The following TMCO6 variants were observed in gnomAD, a reference collection of about 807,000 sequenced individuals.
The protein encoded by TMCO6 is transmembrane and coiled-coil domain-containing protein 6.
Under a neutral mutation model 61.8 loss-of-function variants are expected in TMCO6, and 47 were observed. The ratio of observed to expected loss-of-function variants is 0.76; its 90% CI spans 0.60 to 0.97. The LOEUF is 0.97. TMCO6 is among the 50% of genes least tolerant of loss of function. TMCO6 has a pLI of 0.00. For synonymous variants in TMCO6, 261 were observed against 254.2 expected (o/e 1.03, Z -0.25); for missense variants, 557 against 601.6 (o/e 0.93, Z 0.78).
the TMCO6 span, among the ~76,000 whole-genome samples, chr5:140,626,085 G>A: frequency 6.6e-6 from 1 of 152,014 alleles, no homozygotes; most frequent in Non-Finnish European, 1.5e-5. Context: ...GCTATTCATG[G>A]CTACGGTTTC....
chr5:140,619,535 A>G, the TMCO6 span, among the ~76,000 whole-genome samples: 14 of 152,202 alleles, frequency 9.2e-5, no homozygotes, highest in East Asian at 2.7e-3. Context: ...CTAAAAGCAG[A>G]CTTGGGGGGT....
chr5:140,643,289 C>G (rs965390692), intron 7 of TMCO6: 2 of 598,788 alleles, frequency 3.3e-6, no homozygotes, highest in South Asian at 2.0e-5. Context: ...CTCTGCCTCC[C>G]GGGTTCAAGC....
chr5:140,632,526 G>A, the TMCO6 span: 2 of 1,614,162 alleles, frequency 1.2e-6, no homozygotes, highest in East Asian at 2.2e-5. The surrounding 1 kb of genome is among the most constrained non-coding windows in gnomAD (Gnocchi z 6.2). Context: ...TGTCGCCCAC[G>A]ACACGTTGCG....
Position 140,642,649 on chromosome 5 carries a change from G to A in TMCO6, c.667G>A (p.Glu223Lys). Reference protein sequence around the residue: ...YALSQLLQAEEAPEKIIPSIL... With the variant: ...YALSQLLQAEKAPEKIIPSIL... ...CTTGTCCCAGCTTCTACAGGCTGAG[G>A]AAGCTCCAGAGAAGATCATTCCGTG... The change falls in exon 6 of 12, where the codon GAA (glutamate) becomes AAA (lysine). Residue 223 changes from glutamate to lysine, a missense_variant. Physicochemically the swap from Glu to Lys is moderately conservative, Grantham distance 56. Transcript: ENST00000394671. 1 of 1,614,226 alleles carries A rather than the reference G, an allele frequency of 6.2e-7. No homozygotes were observed. The highest frequency in any genetic ancestry group is 1.6e-4 in the Middle Eastern group (1 of 6,062).
At chr5:140,599,675 C>T in the TMCO6 span, among the ~76,000 whole-genome samples, 7 of 152,222 alleles carry the variant, frequency 4.6e-5, no homozygotes, top group East Asian at 7.8e-4. Flanking sequence ...CCGAAGAGGG[C>T]GGATCACCTG....
At chr5:140,606,469 C>T in the TMCO6 span, among the ~76,000 whole-genome samples, 575 of 152,048 alleles carry the variant, frequency 3.8e-3, no homozygotes, top group African/African-American at 0.013. Flanking sequence ...TTGGTTTTAC[C>T]GATTTTCTAT....
At chr5:140,633,015 C>T in the TMCO6 span, 2 of 1,614,132 alleles carry the variant, frequency 1.2e-6, no homozygotes, top group Non-Finnish European at 1.7e-6. Flanking sequence ...AGGCCCCATC[C>T]AACCCCTGTG....
At chr5:140,612,705 A>T in the TMCO6 span, among the ~76,000 whole-genome samples, 3 of 152,206 alleles carry the variant, frequency 2.0e-5, no homozygotes, top group Non-Finnish European at 4.4e-5. Flanking sequence ...TGGTTGAATG[A>T]ATCCTGTCCC....
the TMCO6 span, among the ~76,000 whole-genome samples, chr5:140,610,404 G>A: frequency 4.5e-4 from 68 of 152,098 alleles, no homozygotes; most frequent in African/African-American, 1.5e-3. Context: ...TCCTTGTGTT[G>A]CCTAGGCTGG....
rs199908136 is a variant in TMCO6, at chr5:140,642,102, G to C, written c.498+49G>C. The C allele has an allele frequency of 5.1e-5, 81 of 1,573,454 alleles. No individual in the cohort carries two copies. In the African/African-American group the frequency reaches 8.8e-4, roughly 17 times the overall value. On this transcript the variant is annotated intron_variant, in intron 4 of 11. Coordinates refer to ENST00000394671, the MANE Select transcript of TMCO6 (RefSeq NM_018502.5). The stretch of plus-strand genomic sequence containing the variant: ...TGTTCTTGGTTTAGATTTTAAAATT[G>C]TGCTTTTGGGACCAGTTTGAGCTGG...
downstream of TMCO6, chr5:140,647,597 G>A (rs1437155562): frequency 3.7e-6 from 6 of 1,607,894 alleles, no homozygotes; most frequent in Non-Finnish European, 5.1e-6. Flanking sequence ...TGTTAATATC[G>A]AAGTCGCCAA....
At chr5:140,610,186 T>TAAAA in the TMCO6 span, among the ~76,000 whole-genome samples, 9 of 70,734 alleles carry the variant, frequency 1.3e-4, no homozygotes, top group African/African-American at 2.2e-4. Context: ...CCATTTCTAC[T>TAAAA]AAAAAAAAAA....
At chr5:140,610,154 G>A in the TMCO6 span, among the ~76,000 whole-genome samples, 5 of 134,422 alleles carry the variant, frequency 3.7e-5, no homozygotes, top group African/African-American at 1.1e-4. Context: ...TTTGAGACCA[G>A]CCTGGGCAAC....
the TMCO6 span, among the ~76,000 whole-genome samples, chr5:140,608,155 TGTTA>T: frequency 6.6e-6 from 1 of 152,204 alleles, no homozygotes; most frequent in African/African-American, 2.4e-5. Flanking sequence ...TTCTTATGTT[TGTTA>T]GTCATTTATT....
chr5:140,627,891 A>G, the TMCO6 span, among the ~76,000 whole-genome samples: 1 of 152,002 alleles, frequency 6.6e-6, no homozygotes, highest in Admixed American at 6.6e-5. Context: ...GTGAGGCTCC[A>G]TCTCAAAAAA....
upstream of TMCO6, among the ~76,000 whole-genome samples, chr5:140,636,127 T>C (rs1288432876): frequency 6.6e-6 from 1 of 152,104 alleles, no homozygotes; most frequent in Non-Finnish European, 1.5e-5. Flanking sequence ...GTCTCCTGAG[T>C]AGCTGGGATT....
At chr5:140,609,336 A>T in the TMCO6 span, 1 of 251,582 alleles carries the variant, frequency 4.0e-6, no homozygotes, top group South Asian at 4.5e-5. Flanking sequence ...ATCTGTGCCA[A>T]CAGGAAGCAG....
At position 140,641,779 on chromosome 5, in the gene TMCO6, C is replaced by A. The variant is rs749443240; in HGVS notation, c.313C>A (p.Arg105=). ...CCCTGAAACACAGCAAACCTTCATC[C>A]GGTCAGTGTGGATGGTGTGGTGGAG... ...QHPETQQTFI[R]LEGSMRTLVG... The change falls in exon 3 of 12, where the codon CGG becomes AGG. Residue 105 remains arginine, a splice_region_variant and synonymous_variant. Coordinates refer to ENST00000394671, the MANE Select transcript of TMCO6 (RefSeq NM_018502.5). The A allele has an allele frequency of 1.2e-6, 2 of 1,614,162 alleles. No homozygotes were observed. Among genetic ancestry groups the A allele is most frequent in the South Asian group, 2.2e-5 (2 of 91,062 alleles).
chr5:140,644,311 A>G, intron 10 of TMCO6, 117 bp downstream of exon 10: 4 of 1,152,792 alleles, frequency 3.5e-6, no homozygotes, highest in Non-Finnish European at 5.2e-6. Flanking sequence ...GTGTGGCCTC[A>G]GGGCCCAACC....
Sources: allele counts gnomAD v4.1 joint callset (sites outside exome capture counted in the v4.1 genomes callset), GRCh38; gene constraint gnomAD v4.1.1; non-coding constraint Gnocchi (gnomAD v3.1); transcripts MANE v1.5; gene names NCBI Gene and HGNC (gene_info 2026-07-23, HGNC 2026-07-21).